Variants in KIF13B observed in about 807,000 individuals in gnomAD.
KIF13B encodes kinesin family member 13B, also known as kinesin-like protein KIF13B.
A neutral mutation model predicts 222.0 loss-of-function variants in KIF13B; 127 were observed. The observed-to-expected ratio is 0.57, with a 90% confidence interval of 0.50 to 0.66. The LOEUF is 0.66. Ranked by LOEUF, KIF13B falls within the 30% of genes least tolerant of loss-of-function variation. The pLI, the probability that KIF13B is intolerant of heterozygous loss-of-function variation, is 0.00. For missense variants in KIF13B, 2,173 were observed against 2,379.0 expected, an observed-to-expected ratio of 0.91 and a Z score of 1.80; for synonymous variants, 976 against 919.0, an observed-to-expected ratio of 1.06 and a Z score of -1.12.
chr8:29,129,327 C>T (rs55678364), intron 24 of KIF13B, among the ~76,000 whole-genome samples: 20,756 of 152,086 alleles, frequency 0.14, 1,514 homozygotes, highest in Middle Eastern at 0.17. Flanking sequence ...TTTTAACAGA[C>T]GCCCAGAAAA....
chr8:29,087,264 AGT>A (rs1808086756), intron 37 of KIF13B, among the ~76,000 whole-genome samples: 1 of 152,248 alleles, frequency 6.6e-6, no homozygotes, highest in South Asian at 2.1e-4. Flanking sequence ...CGGCTTGACA[AGT>A]GATGTCTACT....
chr8:29,093,232 C>T (rs551154910), intron 36 of KIF13B, among the ~76,000 whole-genome samples: 39 of 152,282 alleles, frequency 2.6e-4, no homozygotes, highest in Middle Eastern at 3.4e-3. Context: ...CTGCCAATGA[C>T]ACAGATGTAT....
chr8:29,087,686 G>C (rs771152758), intron 37 of KIF13B, among the ~76,000 whole-genome samples: 7 of 152,204 alleles, frequency 4.6e-5, no homozygotes, highest in Non-Finnish European at 8.8e-5. Flanking sequence ...GCCAGCATTT[G>C]CAAGCCCAGG....
At chr8:29,188,003 GCTTCTTGAAAATAT>G (rs1813017530) in intron 5 of KIF13B, among the ~76,000 whole-genome samples, 5 of 152,088 alleles carry the variant, frequency 3.3e-5, no homozygotes, top group Non-Finnish European at 7.4e-5. Flanking sequence ...GACACATGAG[GCTTCTTGAAAATAT>G]CCAACACATT....
chr8:29,223,983 G>A (rs893020682), intron 2 of KIF13B, among the ~76,000 whole-genome samples: 4 of 150,844 alleles, frequency 2.7e-5, no homozygotes, highest in Admixed American at 1.3e-4. Context: ...GAGCCACGGC[G>A]CCCAGCCTAC....
chr8:29,173,100 A>G (rs1417100156), intron 10 of KIF13B, among the ~76,000 whole-genome samples: 4 of 151,884 alleles, frequency 2.6e-5, no homozygotes, highest in African/African-American at 9.7e-5. Flanking sequence ...TTTTTAGTAG[A>G]GATGCGATTT....
At position 29,122,576 on chromosome 8, in the gene KIF13B, C is replaced by T. The variant is rs777643943; in HGVS notation, c.3535+15G>A. Reference sequence around the variant, plus strand: ...TTTTCAGAGGTAAGCCTTCAGAAAACACCTCCTAACTTACCATTTAAGTCC... The same window carrying T: ...TTTTCAGAGGTAAGCCTTCAGAAAATACCTCCTAACTTACCATTTAAGTCC... On this transcript the variant is annotated intron_variant, in intron 29 of 39. Transcript: ENST00000524189. The T allele has an allele frequency of 1.2e-6, 2 of 1,603,082 alleles. No individual in the cohort carries two copies. The highest frequency in any genetic ancestry group is 1.7e-6 in the Non-Finnish European group (2 of 1,173,458).
intron 12 of KIF13B, among the ~76,000 whole-genome samples, chr8:29,164,842 C>A (rs1214858324): frequency 1.3e-5 from 2 of 152,004 alleles, no homozygotes; most frequent in East Asian, 3.9e-4. Flanking sequence ...AATGTTCCTA[C>A]CCTAACGTGT....
chr8:29,263,147 C>A, upstream of KIF13B: 2 of 466,096 alleles, frequency 4.3e-6, no homozygotes, highest in Non-Finnish European at 7.2e-6. Flanking sequence ...GGGGACCGGG[C>A]TGGGGGCGGG....
chr8:29,176,031 CA>C, intron 10 of KIF13B, 36 bp downstream of exon 10: 2 of 1,270,940 alleles, frequency 1.6e-6, no homozygotes, highest in Admixed American at 1.8e-5. Flanking sequence ...TGCCAACCAC[CA>C]AAAGTATGCC....
intron 2 of KIF13B, among the ~76,000 whole-genome samples, chr8:29,228,472 A>AAAAAAAAAAAAATGT: frequency 8.5e-6 from 1 of 117,086 alleles, no homozygotes; most frequent in African/African-American, 3.3e-5. Context: ...ATCTTAAAAA[A>AAAAAAAAAAAAATGT]ATATATATAT....
rs1251543765 is a variant in KIF13B at position 29,071,876 on chromosome 8, C to T, written c.4962G>A (p.Ser1654=). ...SPFRVRRVRA[S]ELRSFSRMLA... ...GCATGCGCGAGAAGGAGCGCAACTC[C>T]GAGGCCCGCACCCTCCGGACGCGGA... Residue 1654 remains serine (S), a synonymous_variant, in exon 39 of 40, where the codon TCG becomes TCA. Coordinates refer to ENST00000524189, the MANE Select transcript of KIF13B (RefSeq NM_015254.4). The surrounding 1 kb of genome is among the most constrained non-coding windows in gnomAD (Gnocchi z 4.9). 1.3e-6 allele frequency: 2 copies of T among 1,534,002 alleles called. No homozygotes were observed. Among genetic ancestry groups the T allele is most frequent in the African/African-American group, 1.4e-5 (1 of 72,742 alleles).
chr8:29,209,481 A>C (rs1000671047), intron 2 of KIF13B, among the ~76,000 whole-genome samples: 1 of 152,208 alleles, frequency 6.6e-6, no homozygotes. Flanking sequence ...AGGTTAGCAC[A>C]GCAGGCCTGG....
chr8:29,131,962 T>C (rs1041628544), intron 23 of KIF13B, among the ~76,000 whole-genome samples: 1 of 152,124 alleles, frequency 6.6e-6, no homozygotes, highest in Non-Finnish European at 1.5e-5. Flanking sequence ...ATAAATGGAA[T>C]CTAGCCAGGC....
rs753746284 is a variant in KIF13B at position 29,071,680 on chromosome 8, C to A, written c.5158G>T (p.Val1720Leu). The change falls in exon 39 of 40, where the codon GTG (valine) becomes TTG (leucine). Residue 1720 changes from valine to leucine, a missense_variant. Transcript: ENST00000524189. The surrounding 1 kb of genome is among the most constrained non-coding windows in gnomAD (Gnocchi z 4.9). ...CCCTCTTGGAAGTCGGCAGGCCCCA[C>A]GTATCTCACCACGCCCGTTTTGTGG... ...GAHKTGVVRY[V>L]GPADFQEGTW... 4 of 1,554,234 alleles carry A rather than the reference C, an allele frequency of 2.6e-6. No homozygotes were observed. The highest frequency in any genetic ancestry group is 2.6e-6 in the Non-Finnish European group (3 of 1,149,318).
intron 2 of KIF13B, among the ~76,000 whole-genome samples, chr8:29,214,070 G>C (rs1041986238): frequency 1.3e-5 from 2 of 152,234 alleles, no homozygotes; most frequent in Admixed American, 1.3e-4. Context: ...TTGCAGGACT[G>C]GCCATTGCAT....
chr8:29,221,195 C>T (rs1295840661), intron 2 of KIF13B, among the ~76,000 whole-genome samples: 9 of 150,750 alleles, frequency 6.0e-5, no homozygotes, highest in African/African-American at 2.2e-4. Context: ...CTCCACCCCC[C>T]AGGTTCAAGC....
chr8:29,166,254 T>C (rs1281217657), intron 11 of KIF13B, among the ~76,000 whole-genome samples: 4 of 152,082 alleles, frequency 2.6e-5, no homozygotes, highest in Admixed American at 2.0e-4. Context: ...AAAAACAGGA[T>C]AAAATTCAAC....
At chr8:29,211,165 C>T (rs1245329707) in intron 2 of KIF13B, among the ~76,000 whole-genome samples, 2 of 152,246 alleles carry the variant, frequency 1.3e-5, no homozygotes, top group African/African-American at 4.8e-5. Flanking sequence ...ACGAAAGCAC[C>T]ATTTGCTGGT....
Sources: gnomAD v4.1 joint callset for allele counts (sites outside exome capture counted in the v4.1 genomes callset) on GRCh38, gnomAD v4.1.1 for gene constraint, Gnocchi (gnomAD v3.1) non-coding constraint, MANE v1.5 for transcripts, NCBI Gene and HGNC (gene_info 2026-07-23, HGNC 2026-07-21) for gene names.